CDC25A: variants seen among roughly 807,000 people sequenced by gnomAD.
The protein encoded by CDC25A is M-phase inducer phosphatase 1.
In CDC25A, 17 loss-of-function variants were observed where a neutral mutation model predicts 64.6. The observed-to-expected ratio is 0.26, with a 90% CI of 0.18 to 0.39. CDC25A has a LOEUF of 0.39. Ranked by LOEUF, CDC25A falls within the 10% of genes least tolerant of loss-of-function variation. The pLI is 1.00. For missense variants in CDC25A, 473 were observed against 654.8 expected (o/e 0.72, Z 3.03); for synonymous variants, 229 against 238.6 (o/e 0.96, Z 0.37).
At position 48,184,695 on chromosome 3, in the gene CDC25A, C is replaced by T. The variant is rs759966798; in HGVS notation, c.248G>A (p.Gly83Asp). Residue 83 changes from glycine to aspartate, a missense_variant and splice_region_variant, in exon 3 of 15, where the codon GGT becomes GAT. Gly to Asp is a moderately conservative substitution (Grantham distance 94). Coordinates refer to ENST00000302506, the MANE Select transcript of CDC25A (RefSeq NM_001789.3). ...TGGCCCAGGAGAATCTAGACAGAAA[C>T]CTATGGGGAAAAAAAAAACCTCTCA... ...RMGSSESTDS[G>D]FCLDSPGPLD... The T allele has an allele frequency of 6.3e-7, 1 of 1,579,608 alleles. No homozygotes were observed. Among genetic ancestry groups the T allele is most frequent in the Non-Finnish European group, 8.6e-7 (1 of 1,167,252 alleles).
At chr3:48,162,779 C>G (rs999701030) in intron 13 of CDC25A, among the ~76,000 whole-genome samples, 1 of 150,340 alleles carries the variant, frequency 6.7e-6, no homozygotes, top group Admixed American at 6.6e-5. Flanking sequence ...ACCCAGGAGG[C>G]GGAGCTTGCA....
chr3:48,171,917 A>G (rs2032283860), intron 9 of CDC25A, among the ~76,000 whole-genome samples: 1 of 152,202 alleles, frequency 6.6e-6, no homozygotes, highest in Non-Finnish European at 1.5e-5. Context: ...GATACTTTGG[A>G]GGCTGAGGTG....
chr3:48,167,762 C>T (rs540549802), intron 10 of CDC25A, 84 bp downstream of exon 10: 1 of 783,766 alleles, frequency 1.3e-6, no homozygotes, highest in South Asian at 1.4e-5. Flanking sequence ...CAGGAACCAC[C>T]CTGGGGAGGG....
chr3:48,177,250 TA>T, intron 8 of CDC25A, 120 bp downstream of exon 8: 1 of 766,744 alleles, frequency 1.3e-6, no homozygotes, highest in Non-Finnish European at 2.2e-6. Flanking sequence ...AAGTGAGGCC[TA>T]AAACCCAGAT....
intron 5 of CDC25A, 79 bp from the exon 6 acceptor site, chr3:48,180,919 G>A: frequency 1.4e-6 from 2 of 1,402,028 alleles, no homozygotes; most frequent in African/African-American, 1.4e-5. Flanking sequence ...GCAAGAAAGT[G>A]GGCACTGATC....
intron 6 of CDC25A, 88 bp from the exon 7 acceptor site, chr3:48,178,076 A>G: frequency 7.8e-7 from 1 of 1,285,000 alleles, no homozygotes; most frequent in Non-Finnish European, 1.1e-6. Context: ...TGATGAAAAC[A>G]TACTATGTTA....
intron 8 of CDC25A, chr3:48,174,734 G>A (rs1208070629): frequency 3.3e-5 from 8 of 240,954 alleles, no homozygotes; most frequent in East Asian, 2.5e-4. Flanking sequence ...ATAATCCTGC[G>A]TCAAGAGAAG....
chr3:48,165,604 CTCCTTCTACA>C, intron 12 of CDC25A, 22 bp downstream of exon 12: 1 of 1,464,910 alleles, frequency 6.8e-7, no homozygotes, highest in African/African-American at 1.4e-5. Context: ...CTGTTTAGGG[CTCCTTCTACA>C]GCAAGTCTCA....
At chr3:48,173,197 G>A (rs1210496944) in intron 9 of CDC25A, among the ~76,000 whole-genome samples, 1 of 135,010 alleles carries the variant, frequency 7.4e-6, no homozygotes, top group Non-Finnish European at 1.5e-5. Flanking sequence ...CAGCCTGGGC[G>A]ACAGAGCGTC....
chr3:48,184,507 A>G (rs999739404), intron 3 of CDC25A, 146 bp downstream of exon 3: 10 of 650,194 alleles, frequency 1.5e-5, no homozygotes, highest in African/African-American at 1.2e-4. Flanking sequence ...GACACAAACT[A>G]TTCATTCTTG....
intron 6 of CDC25A, among the ~76,000 whole-genome samples, chr3:48,178,302 G>A (rs1388628502): frequency 6.6e-6 from 1 of 152,286 alleles, no homozygotes; most frequent in South Asian, 2.1e-4. Context: ...AGTGAACACC[G>A]ATCAGCATTG....
rs771162188 is a variant in CDC25A, at chr3:48,165,666, G to A, written c.1161C>T (p.Tyr387=). The A allele has an allele frequency of 8.7e-6, 14 of 1,613,552 alleles. No homozygotes were observed. The highest frequency in any genetic ancestry group is 1.1e-5 in the Non-Finnish European group (13 of 1,179,576). The part of the protein sequence containing the change: ...IKEFVIIDCR[Y]PYEYEGGHIK... Reference sequence around the variant, plus strand: ...TGTGGCCTCCCTCGTATTCATATGGGTATCGACAGTCGATGATAACAAACT... The same window carrying A: ...TGTGGCCTCCCTCGTATTCATATGGATATCGACAGTCGATGATAACAAACT... Residue 387 remains tyrosine, a synonymous_variant, in exon 12 of 15, where the codon TAC becomes TAT. Transcript: ENST00000302506.
At chr3:48,171,382 CTT>C (rs908598235) in intron 9 of CDC25A, among the ~76,000 whole-genome samples, 28 of 136,420 alleles carry the variant, frequency 2.1e-4, no homozygotes, top group African/African-American at 2.7e-4. Context: ...AATGAATATT[CTT>C]TTTTTTTTTT....
At chr3:48,164,179 T>C (rs1244301662) in intron 13 of CDC25A, 128 bp downstream of exon 13, 9 of 778,744 alleles carry the variant, frequency 1.2e-5, no homozygotes, top group Non-Finnish European at 1.8e-5. Context: ...CATATGAAAA[T>C]GGCTTGTTAT....
chr3:48,179,640 T>G (rs1210307947), intron 6 of CDC25A, among the ~76,000 whole-genome samples: 1 of 152,196 alleles, frequency 6.6e-6, no homozygotes, highest in Non-Finnish European at 1.5e-5. Flanking sequence ...GTGCTGGGAT[T>G]ACAGCCATGA....
chr3:48,166,051 G>T (rs1040483329), intron 10 of CDC25A, among the ~76,000 whole-genome samples, 158 bp from the exon 11 acceptor site: 1 of 152,196 alleles, frequency 6.6e-6, no homozygotes, highest in Non-Finnish European at 1.5e-5. Flanking sequence ...TTGGGAGGCC[G>T]AGGCTAGTGG....
In CDC25A at chr3:48,186,730, T is replaced by C. The variant is rs1183145054; in HGVS notation, c.220A>G (p.Met74Val). 1 of 1,602,742 alleles carries C rather than the reference T, an allele frequency of 6.2e-7. No homozygotes were observed. Among genetic ancestry groups the C allele is most frequent in the South Asian group, 1.1e-5 (1 of 89,616 alleles). ...EVKNNSNLQRMGSSESTDSGF... is the reference protein window; with the variant it reads ...EVKNNSNLQRVGSSESTDSGF... ...GAATCTGTTGACTCGGAGGAGCCCA[T>C]TCTCTGCAGATTACTGTTGTTCTTC... The change falls in exon 2 of 15, where the codon ATG (methionine) becomes GTG (valine). Residue 74 changes from methionine to valine, a missense_variant. Met to Val is a conservative substitution (Grantham distance 21). This residue lies in a region of CDC25A where 376 missense variants were observed against 431.9 expected (regional missense o/e 0.87). Coordinates refer to ENST00000302506, the MANE Select transcript of CDC25A (RefSeq NM_001789.3).
chr3:48,170,907 G>A (rs922655081), intron 9 of CDC25A, among the ~76,000 whole-genome samples: 3 of 151,950 alleles, frequency 2.0e-5, no homozygotes, highest in African/African-American at 7.3e-5. Context: ...AGCAATGCTT[G>A]ACATTTTCTC....
Position 48,185,997 on chromosome 3 carries a change from C to G in CDC25A, c.247+706G>C, listed in dbSNP as rs140134463. Reference sequence around the variant, plus strand: ...ACCAATGGTCTTATCTGTACAAATACAGATAAACTCTGCAGTAATATGAAT... The same window carrying G: ...ACCAATGGTCTTATCTGTACAAATAGAGATAAACTCTGCAGTAATATGAAT... On this transcript the variant is annotated intron_variant, in intron 2 of 14. Transcript: ENST00000302506. 4.2e-3 allele frequency among the ~76,000 whole-genome samples: 640 copies of G among 152,316 alleles called. 4 individuals carry two copies. The highest frequency in any genetic ancestry group is 0.015 in the African/African-American group (606 of 41,574).
Sources: allele counts gnomAD v4.1 joint callset (sites outside exome capture counted in the v4.1 genomes callset), GRCh38; gene constraint gnomAD v4.1.1; regional missense constraint gnomAD v4.1.1; transcripts MANE v1.5; gene names NCBI Gene and HGNC (gene_info 2026-07-23, HGNC 2026-07-21).